PTPRD: variants seen among roughly 807,000 people sequenced by gnomAD.
The protein encoded by PTPRD is receptor-type tyrosine-protein phosphatase delta.
In PTPRD, 34 loss-of-function variants were observed where a neutral mutation model predicts 214.5. The observed-to-expected ratio is 0.16, with a 90% CI of 0.12 to 0.21. PTPRD has a LOEUF of 0.21. PTPRD is among the 10% of genes least tolerant of loss of function. The probability of loss-of-function intolerance (pLI) is 1.00; values close to 1 mark genes in which losing one functional copy is unlikely to be tolerated. For synonymous variants in PTPRD, 1,128 were observed against 845.7 expected, an observed-to-expected ratio of 1.33 and a Z score of -5.79; for missense variants, 2,545 against 2,398.7, an observed-to-expected ratio of 1.06 and a Z score of -1.27.
chr9:9,296,056 C>G (rs558372391), intron 9 of PTPRD, among the ~76,000 whole-genome samples: 1 of 151,806 alleles, frequency 6.6e-6, no homozygotes, highest in East Asian at 1.9e-4. Context: ...ATGATCTCAT[C>G]GGGCACATTC....
At chr9:9,377,758 G>C (rs2061173732) in intron 9 of PTPRD, among the ~76,000 whole-genome samples, 1 of 152,082 alleles carries the variant, frequency 6.6e-6, no homozygotes, top group South Asian at 2.1e-4. Flanking sequence ...TGGGGGCTCA[G>C]GGGGTGGTAA....
chr9:9,656,600 A>G (rs2096521259), intron 7 of PTPRD, among the ~76,000 whole-genome samples: 3 of 152,188 alleles, frequency 2.0e-5, no homozygotes. Flanking sequence ...TAAAAGATCC[A>G]TGATTGCCAG....
chr9:10,149,130 A>C (rs548044554), intron 3 of PTPRD, among the ~76,000 whole-genome samples: 2 of 152,310 alleles, frequency 1.3e-5, no homozygotes, highest in East Asian at 3.9e-4. Context: ...ACTGCAAGTA[A>C]GGAGCAGTAT....
intron 8 of PTPRD, among the ~76,000 whole-genome samples, chr9:9,483,602 C>A (rs1281766770): frequency 6.6e-6 from 1 of 151,964 alleles, no homozygotes; most frequent in South Asian, 2.1e-4. Context: ...AAAAACATCA[C>A]ATTTTGGTCT....
intron 11 of PTPRD, among the ~76,000 whole-genome samples, chr9:8,814,889 T>C (rs2096888973): frequency 6.6e-6 from 1 of 152,242 alleles, no homozygotes; most frequent in East Asian, 1.9e-4. Flanking sequence ...TTATTTATAA[T>C]GTGCATTCAC....
rs2099605559 is a variant in PTPRD at position 10,230,470 on chromosome 9, A to ATCTATCTATCTG, written c.-545+110492_-545+110493insCAGATAGATAGA. 9.9e-5 allele frequency among the ~76,000 whole-genome samples: 15 copies of ATCTATCTATCTG among 151,486 alleles called. No individual in the cohort carries two copies. In the South Asian group the frequency reaches 2.9e-3, roughly 29 times the overall value. On this transcript the variant is annotated intron_variant, in intron 3 of 45. Coordinates refer to ENST00000381196, the MANE Select transcript of PTPRD (RefSeq NM_002839.4). The stretch of plus-strand genomic sequence containing the variant: ...TATCTATCTATCTATCTATCTATCT[A>ATCTATCTATCTG]TCTATCTGTCTATCTACCTATCCAT...
At chr9:9,902,068 T>C (rs553610718) in intron 5 of PTPRD, among the ~76,000 whole-genome samples, 2 of 152,332 alleles carry the variant, frequency 1.3e-5, no homozygotes, top group Non-Finnish European at 2.9e-5. Context: ...TAAATACCTA[T>C]TGGCTGCTTC....
rs559871718 is a variant in PTPRD, at chr9:9,690,582, G to T, written c.-287+43951C>A. 2.6e-5 allele frequency among the ~76,000 whole-genome samples: 4 copies of T among 151,896 alleles called. No homozygotes were observed. In the East Asian group the frequency reaches 7.7e-4, roughly 29 times the overall value. Reference sequence around the variant, plus strand: ...ATCCTATAGCATTTCCCCAAAGTTAGCTTCTAGTAATTTCATAGTTTTAAG... The same window carrying T: ...ATCCTATAGCATTTCCCCAAAGTTATCTTCTAGTAATTTCATAGTTTTAAG... On this transcript the variant is annotated intron_variant, in intron 7 of 45. Transcript: ENST00000381196.
At chr9:9,333,453 T>G (rs2043093974) in intron 9 of PTPRD, among the ~76,000 whole-genome samples, 1 of 146,612 alleles carries the variant, frequency 6.8e-6, no homozygotes, top group Non-Finnish European at 1.5e-5. Flanking sequence ...ATGGGCTACT[T>G]GGAAACAATG....
intron 3 of PTPRD, among the ~76,000 whole-genome samples, chr9:10,324,723 G>C (rs1322039394): frequency 6.6e-5 from 10 of 151,944 alleles, no homozygotes; most frequent in Non-Finnish European, 1.3e-4. Flanking sequence ...GAAACACTCA[G>C]TCTTTTTGTA....
chr9:10,449,491 T>TCTTCCC (rs1566111221), intron 2 of PTPRD, among the ~76,000 whole-genome samples: 25 of 144,346 alleles, frequency 1.7e-4, no homozygotes, highest in African/African-American at 6.8e-4. Flanking sequence ...CCTCTCTGCC[T>TCTTCCC]GGCTGCCCAT....
chr9:9,876,771 G>T (rs921257724), intron 5 of PTPRD, among the ~76,000 whole-genome samples: 1 of 152,064 alleles, frequency 6.6e-6, no homozygotes. Context: ...TTATGTTATT[G>T]TGGTGACACA....
At chr9:10,449,896 A>G in intron 2 of PTPRD, among the ~76,000 whole-genome samples, 1 of 151,332 alleles carries the variant, frequency 6.6e-6, no homozygotes, top group African/African-American at 2.4e-5. Context: ...TTCTGTACTA[A>G]GAAAAATTCT....
chr9:9,760,496 CT>C (rs1366573301), intron 6 of PTPRD, among the ~76,000 whole-genome samples: 2 of 151,670 alleles, frequency 1.3e-5, no homozygotes. Context: ...TATTTCTATC[CT>C]TTATTGCTTC....
intron 14 of PTPRD, among the ~76,000 whole-genome samples, chr9:8,551,425 T>C (rs1254255345): frequency 2.0e-5 from 3 of 152,216 alleles, no homozygotes; most frequent in Non-Finnish European, 2.9e-5. Flanking sequence ...ACCCTTATTA[T>C]TATAGATAAG....
intron 2 of PTPRD, among the ~76,000 whole-genome samples, chr9:10,424,326 T>TCTCTCTCC (rs2098591510): frequency 6.6e-6 from 1 of 151,698 alleles, no homozygotes; most frequent in South Asian, 2.1e-4. Flanking sequence ...TCTCTCTCTC[T>TCTCTCTCC]CTCTCTCTCT....
chr9:9,775,506 C>T (rs933882423), intron 5 of PTPRD, among the ~76,000 whole-genome samples: 2 of 152,180 alleles, frequency 1.3e-5, no homozygotes, highest in Non-Finnish European at 2.9e-5. Flanking sequence ...TAGGATTTTA[C>T]ACCTAAACTT....
At chr9:9,427,286 T>C (rs527637830) in intron 8 of PTPRD, among the ~76,000 whole-genome samples, 2 of 152,228 alleles carry the variant, frequency 1.3e-5, no homozygotes, top group East Asian at 3.9e-4. Flanking sequence ...CAGTAGCCGA[T>C]TTGATCAACT....
At chr9:8,568,892 T>G (rs900473091) in intron 14 of PTPRD, among the ~76,000 whole-genome samples, 1 of 152,080 alleles carries the variant, frequency 6.6e-6, no homozygotes, top group Middle Eastern at 3.4e-3. Context: ...TGCCCACCTA[T>G]GAGCTTTTGT....
Sources: allele counts gnomAD v4.1 joint callset (sites outside exome capture counted in the v4.1 genomes callset), GRCh38; gene constraint gnomAD v4.1.1; transcripts MANE v1.5; gene names NCBI Gene and HGNC (gene_info 2026-07-23, HGNC 2026-07-21).